Variants in ZNRF2 observed in about 807,000 individuals in gnomAD.
The protein encoded by ZNRF2 is E3 ubiquitin-protein ligase ZNRF2.
Under a neutral mutation model 20.4 loss-of-function variants are expected in ZNRF2, and 16 were observed. That is an observed-to-expected ratio of 0.79 (90% CI 0.53 to 1.19). The LOEUF (loss-of-function observed/expected upper bound fraction) is 1.19, where lower values mean the gene tolerates loss of function less well. Ranked by LOEUF, ZNRF2 falls within the 50% of genes most tolerant of loss-of-function variation. The pLI, the probability that ZNRF2 is intolerant of heterozygous loss-of-function variation, is 0.00. For missense variants in ZNRF2, 363 were observed against 332.4 expected, an observed-to-expected ratio of 1.09 and a Z score of -0.72; for synonymous variants, 178 against 144.9, an observed-to-expected ratio of 1.23 and a Z score of -1.64.
intron 2 of ZNRF2, among the ~76,000 whole-genome samples, chr7:30,340,527 T>C (rs908352884): frequency 3.3e-5 from 5 of 152,284 alleles, no homozygotes; most frequent in African/African-American, 1.2e-4. Flanking sequence ...ATTGGTTCTG[T>C]TGATGTGTAC....
In ZNRF2 at chr7:30,285,240, C is replaced by A; in HGVS notation, c.-118C>A. 1 of 766,952 alleles carries A rather than the reference C, an allele frequency of 1.3e-6. No individual in the cohort carries two copies. The highest frequency in any genetic ancestry group is 1.7e-6 in the Non-Finnish European group (1 of 592,360). The allele number at this position is 766,952 out of a possible 1,614,324, so 47.5% of individuals were successfully genotyped here. ...ACGCCGGGCGGCGGCCCTGGACGTGCGGGGGCCTCTCTGGGCCGGCCGCGG... is the reference window on the plus strand; with the variant it reads ...ACGCCGGGCGGCGGCCCTGGACGTGAGGGGGCCTCTCTGGGCCGGCCGCGG... On this transcript the variant is annotated 5_prime_UTR_variant, in exon 1 of 5. Coordinates refer to ENST00000323037, the MANE Select transcript of ZNRF2 (RefSeq NM_147128.4).
intron 3 of ZNRF2, among the ~76,000 whole-genome samples, chr7:30,358,973 A>T (rs73687827): frequency 0.011 from 1,602 of 152,342 alleles, 29 homozygotes; most frequent in African/African-American, 0.035. Context: ...AATAGATGCT[A>T]TATAAATGTT....
chr7:30,353,423 G>C (rs1435327930), intron 2 of ZNRF2, among the ~76,000 whole-genome samples: 1 of 152,052 alleles, frequency 6.6e-6, no homozygotes, highest in East Asian at 1.9e-4. Context: ...TATTGCTAGG[G>C]TTTAAGGGAG....
chr7:30,362,109 AGTG>A (rs1800136306), intron 3 of ZNRF2, among the ~76,000 whole-genome samples: 1 of 152,182 alleles, frequency 6.6e-6, no homozygotes, highest in East Asian at 1.9e-4. Flanking sequence ...ATATTGGTAA[AGTG>A]GTAGTTCAGA....
At chr7:30,360,356 A>G (rs548985136) in intron 3 of ZNRF2, among the ~76,000 whole-genome samples, 5 of 152,344 alleles carry the variant, frequency 3.3e-5, no homozygotes, top group South Asian at 4.1e-4. Context: ...AAGAATGTAT[A>G]TGTAAATTGT....
At chr7:30,362,587 T>C (rs1800143643) in intron 4 of ZNRF2, 131 bp downstream of exon 4, 1 of 468,462 alleles carries the variant, frequency 2.1e-6, no homozygotes, top group East Asian at 3.3e-5. Context: ...CTTAGGCTAC[T>C]GCATAGAAAA....
Position 30,285,663 on chromosome 7 carries a change from C to T in ZNRF2, c.306C>T (p.Ser102=), listed in dbSNP as rs771594397. 6.1e-5 allele frequency: 87 copies of T among 1,417,850 alleles called. 1 individual carries two copies. The highest frequency in any genetic ancestry group is 1.6e-5 in the Non-Finnish European group (17 of 1,090,566). The allele number at this position is 1,417,850 out of a possible 1,614,324, so 87.8% of individuals were successfully genotyped here. Residue 102 remains serine (S), a synonymous_variant, in exon 1 of 5, where the codon AGC becomes AGT. Transcript: ENST00000323037. ...CCCGCGCGGCGCAGTCCCCCTTCAGCATCCCGAACAGCAGCAGCGGCCCGT... is the reference window on the plus strand; with the variant it reads ...CCCGCGCGGCGCAGTCCCCCTTCAGTATCCCGAACAGCAGCAGCGGCCCGT... ...SGARAAQSPF[S]IPNSSSGPYG...
intron 1 of ZNRF2, among the ~76,000 whole-genome samples, chr7:30,295,273 A>G (rs1318343046): frequency 6.6e-6 from 1 of 152,158 alleles, no homozygotes; most frequent in Non-Finnish European, 1.5e-5. Context: ...GCATCTGTCC[A>G]TAAATTACAA....
chr7:30,306,917 T>G (rs1444957224), intron 1 of ZNRF2, among the ~76,000 whole-genome samples: 1 of 152,152 alleles, frequency 6.6e-6, no homozygotes, highest in East Asian at 1.9e-4. Context: ...TATTTTGTAT[T>G]TATTTGCTAT....
At chr7:30,303,242 G>A (rs1406591967) in intron 1 of ZNRF2, among the ~76,000 whole-genome samples, 2 of 147,810 alleles carry the variant, frequency 1.4e-5, no homozygotes, top group African/African-American at 2.5e-5. Flanking sequence ...CAGCTTGGGC[G>A]ATGGAAATGA....
intron 4 of ZNRF2, among the ~76,000 whole-genome samples, chr7:30,363,486 A>G (rs1452783932): frequency 1.3e-5 from 2 of 152,220 alleles, no homozygotes; most frequent in Non-Finnish European, 2.9e-5. Flanking sequence ...CTGGTTCCAA[A>G]GACTGTTCTT....
intron 1 of ZNRF2, among the ~76,000 whole-genome samples, chr7:30,305,420 G>A (rs1178503106): frequency 6.6e-6 from 1 of 151,966 alleles, no homozygotes; most frequent in Non-Finnish European, 1.5e-5. Flanking sequence ...AAGCTTCAAG[G>A]GAGATATGGC....
intron 1 of ZNRF2, among the ~76,000 whole-genome samples, chr7:30,289,563 C>T (rs930407592): frequency 3.3e-5 from 5 of 152,214 alleles, no homozygotes; most frequent in African/African-American, 7.2e-5. Context: ...CTTCTAACCA[C>T]AACCCCTGCC....
At chr7:30,314,457 C>G (rs927841810) in intron 1 of ZNRF2, among the ~76,000 whole-genome samples, 5 of 151,890 alleles carry the variant, frequency 3.3e-5, no homozygotes, top group African/African-American at 7.3e-5. Flanking sequence ...TTAAAATGAT[C>G]TAGACAGTAA....
chr7:30,301,578 A>AT (rs1488149687), intron 1 of ZNRF2, among the ~76,000 whole-genome samples: 1 of 151,898 alleles, frequency 6.6e-6, no homozygotes, highest in Non-Finnish European at 1.5e-5. Flanking sequence ...TACATTAAAT[A>AT]TTTTTGGAAG....
chr7:30,348,966 C>T (rs1052119044), intron 2 of ZNRF2, among the ~76,000 whole-genome samples: 13 of 152,056 alleles, frequency 8.5e-5, no homozygotes, highest in African/African-American at 3.1e-4. Context: ...TCCTCAAATT[C>T]ATTCTAACAA....
Position 30,328,939 on chromosome 7 carries a change from C to G in ZNRF2, c.565+5202C>G, listed in dbSNP as rs142997383. Among the ~76,000 whole-genome samples, 27 of 152,178 alleles carry G rather than the reference C, an allele frequency of 1.8e-4. No homozygotes were observed. The East Asian group carries it at 4.8e-3, about 27-fold the overall frequency. On this transcript the variant is annotated intron_variant, in intron 2 of 4. Transcript: ENST00000323037. ...GTGAGTATTCAACAACATAGATTAC[C>G]TTCATGTGAAGGACTGCCTGTTTCA...
chr7:30,291,259 G>C (rs965649089), intron 1 of ZNRF2, among the ~76,000 whole-genome samples: 2 of 152,216 alleles, frequency 1.3e-5, no homozygotes, highest in Non-Finnish European at 2.9e-5. Flanking sequence ...CCAGTTGAAA[G>C]ATTTTATAGT....
chr7:30,351,250 A>G (rs1428837210), intron 2 of ZNRF2, among the ~76,000 whole-genome samples: 3 of 151,976 alleles, frequency 2.0e-5, no homozygotes, highest in South Asian at 4.1e-4. Context: ...TACCTATTAT[A>G]TATTTTAAGG....
Sources: allele counts gnomAD v4.1 joint callset (sites outside exome capture counted in the v4.1 genomes callset), GRCh38; gene constraint gnomAD v4.1.1; transcripts MANE v1.5; gene names NCBI Gene and HGNC (gene_info 2026-07-23, HGNC 2026-07-21).